Variants in RASGEF1C observed in about 807,000 individuals in gnomAD.
RASGEF1C encodes the protein RasGEF domain family member 1C.
In RASGEF1C, 27 loss-of-function variants were observed where a neutral mutation model predicts 58.1. The ratio of observed to expected loss-of-function variants is 0.46; its 90% confidence interval spans 0.34 to 0.64. The LOEUF (loss-of-function observed/expected upper bound fraction) is 0.64, where lower values mean the gene tolerates loss of function less well. RASGEF1C is among the 30% of genes least tolerant of loss of function. RASGEF1C has a pLI of 0.01. For synonymous variants in RASGEF1C, 243 were observed against 246.3 expected, an observed-to-expected ratio of 0.99 and a Z score of 0.13; for missense variants, 502 against 605.1, an observed-to-expected ratio of 0.83 and a Z score of 1.79.
chr5:180,176,854 T>C (rs1767237835), intron 1 of RASGEF1C, among the ~76,000 whole-genome samples: 1 of 152,132 alleles, frequency 6.6e-6, no homozygotes, highest in South Asian at 2.1e-4. Flanking sequence ...CCGCGCCTGG[T>C]CCCGGGGCTA....
At chr5:180,200,183 C>G (rs183032245) in intron 1 of RASGEF1C, among the ~76,000 whole-genome samples, 1 of 151,792 alleles carries the variant, frequency 6.6e-6, no homozygotes, top group Admixed American at 6.6e-5. Flanking sequence ...TTGCTTGAAC[C>G]GGGACCTGGG....
chr5:180,103,112 C>T lies in RASGEF1C; in HGVS notation c.1304-969G>A, dbSNP rs560814763. On this transcript the variant is annotated intron_variant, in intron 12 of 13. Coordinates refer to ENST00000361132, the MANE Select transcript of RASGEF1C (RefSeq NM_175062.4). Reference sequence around the variant, plus strand: ...TTTTTTTTGAGACAGAAGTCTCGCTCTGTCGCCCAGGCTGGAGTGCAGTGG... The same window carrying T: ...TTTTTTTTGAGACAGAAGTCTCGCTTTGTCGCCCAGGCTGGAGTGCAGTGG... Among the ~76,000 whole-genome samples, 10 of 152,326 alleles carry T rather than the reference C, an allele frequency of 6.6e-5. No individual in the cohort carries two copies. The South Asian group carries it at 1.2e-3, about 19-fold the overall frequency.
chr5:180,117,994 C>CAAAAAAA (rs3078957), intron 10 of RASGEF1C, among the ~76,000 whole-genome samples: 3 of 108,682 alleles, frequency 2.8e-5, no homozygotes, highest in African/African-American at 1.1e-4. Context: ...ACTCCATCTC[C>CAAAAAAA]AAAAAAAAAA....
At chr5:180,128,664 AACACT>A (rs1383076466) in intron 4 of RASGEF1C, 54 bp from the exon 5 acceptor site, 1 of 1,553,152 alleles carries the variant, frequency 6.4e-7, no homozygotes, top group Non-Finnish European at 8.8e-7. Flanking sequence ...CTGCATCTCT[AACACT>A]GGAACCAGGC....
intron 12 of RASGEF1C, among the ~76,000 whole-genome samples, chr5:180,105,062 C>T (rs1765854205): frequency 6.6e-6 from 1 of 152,174 alleles, no homozygotes; most frequent in South Asian, 2.1e-4. Flanking sequence ...ACTAAGCACT[C>T]ATCAGGCACT....
At chr5:180,179,401 C>A (rs759184400) in intron 1 of RASGEF1C, among the ~76,000 whole-genome samples, 1 of 151,960 alleles carries the variant, frequency 6.6e-6, no homozygotes, top group African/African-American at 2.4e-5. Flanking sequence ...AGAGAAGGGC[C>A]GATGGATGGG....
chr5:180,190,724 C>T (rs1485821486), intron 1 of RASGEF1C, among the ~76,000 whole-genome samples: 2 of 151,702 alleles, frequency 1.3e-5, no homozygotes, highest in Non-Finnish European at 2.9e-5. Context: ...GTAAAACCTA[C>T]AACTATAAAG....
chr5:180,101,408 C>G lies in RASGEF1C; in HGVS notation c.*93G>C, dbSNP rs1171734124. 1 of 1,483,766 alleles carries G rather than the reference C, an allele frequency of 6.7e-7. No homozygotes were observed. 91.9% of individuals were successfully genotyped at this position (1,483,766 alleles called of 1,614,324 possible). ...GGTCGGCATTTGCAAAATAGTGAGGCACTCCCTGGCCTCTGCCCACTGGGC... is the reference window on the plus strand; with the variant it reads ...GGTCGGCATTTGCAAAATAGTGAGGGACTCCCTGGCCTCTGCCCACTGGGC... On this transcript the variant is annotated 3_prime_UTR_variant, in exon 14 of 14. Coordinates refer to ENST00000361132, the MANE Select transcript of RASGEF1C (RefSeq NM_175062.4).
chr5:180,124,889 T>A (rs1582268588), intron 6 of RASGEF1C, among the ~76,000 whole-genome samples: 1 of 152,178 alleles, frequency 6.6e-6, no homozygotes, highest in South Asian at 2.1e-4. Flanking sequence ...CCCAGCACTT[T>A]GGGAAGCCAA....
intron 6 of RASGEF1C, among the ~76,000 whole-genome samples, chr5:180,124,235 A>G (rs1766220414): frequency 6.6e-6 from 1 of 151,350 alleles, no homozygotes; most frequent in Non-Finnish European, 1.5e-5. Context: ...CTGTCTCAAA[A>G]AAAAAAAAAA....
chr5:180,102,218 G>C (rs376372697), intron 12 of RASGEF1C, 75 bp from the exon 13 acceptor site: 1 of 867,958 alleles, frequency 1.2e-6, no homozygotes, highest in Non-Finnish European at 1.9e-6. Flanking sequence ...CTATATCTGC[G>C]TGGGTCTCTT....
Position 180,101,541 on chromosome 5 carries a change from T to A in RASGEF1C, c.1377-16A>T, listed in dbSNP as rs766614371. On this transcript the variant is annotated splice_polypyrimidine_tract_variant and intron_variant, in intron 13 of 13. Transcript: ENST00000361132. ...AATAGAAGATCTGCAGATTTAAGCATGTCGGGAGCGGTGAGAGCCTGGAGC... is the reference window on the plus strand; with the variant it reads ...AATAGAAGATCTGCAGATTTAAGCAAGTCGGGAGCGGTGAGAGCCTGGAGC... 32 of 1,611,928 alleles carry A rather than the reference T, an allele frequency of 2.0e-5. No homozygotes were observed. The Admixed American group carries it at 4.3e-4, about 22-fold the overall frequency.
At chr5:180,206,321 T>C (rs953779519) in intron 1 of RASGEF1C, among the ~76,000 whole-genome samples, 14 of 152,246 alleles carry the variant, frequency 9.2e-5, no homozygotes, top group Non-Finnish European at 8.8e-5. Context: ...TGCTTTATAA[T>C]TGGGCTTTTC....
chr5:180,105,710 A>G (rs1234379021), intron 12 of RASGEF1C, among the ~76,000 whole-genome samples: 2 of 151,652 alleles, frequency 1.3e-5, no homozygotes, highest in Admixed American at 6.6e-5. Context: ...TCTACTAAAA[A>G]TACAAAAATT....
At chr5:180,193,749 G>T (rs1756210397) in intron 1 of RASGEF1C, among the ~76,000 whole-genome samples, 1 of 152,186 alleles carries the variant, frequency 6.6e-6, no homozygotes, top group South Asian at 2.1e-4. Context: ...TGAAGTAATG[G>T]GGGCATCAGA....
chr5:180,185,873 A>G (rs4512091), intron 1 of RASGEF1C, among the ~76,000 whole-genome samples: 126,310 of 151,904 alleles, frequency 0.83, 52,673 homozygotes, highest in Admixed American at 0.88. Context: ...TAAGGCAGGC[A>G]CATAACTTGA....
intron 12 of RASGEF1C, among the ~76,000 whole-genome samples, chr5:180,106,281 T>TACGGGTTCATTGATTTCTGCTC: frequency 6.6e-6 from 1 of 152,348 alleles, no homozygotes. Flanking sequence ...TTTTTCTGCT[T>TACGGGTTCATTGATTTCTGCTC]ACGGGTTCAT....
chr5:180,164,401 T>G (rs55773614), intron 1 of RASGEF1C, among the ~76,000 whole-genome samples: 1 of 152,004 alleles, frequency 6.6e-6, no homozygotes, highest in Non-Finnish European at 1.5e-5. Flanking sequence ...CAAGAGATAA[T>G]TGTATCTATT....
At chr5:180,104,169 A>G (rs971711216) in intron 12 of RASGEF1C, among the ~76,000 whole-genome samples, 3 of 152,098 alleles carry the variant, frequency 2.0e-5, no homozygotes, top group African/African-American at 7.2e-5. Context: ...TATCAGGGTA[A>G]TACTGGTGCC....
Sources: gnomAD v4.1 joint callset for allele counts (sites outside exome capture counted in the v4.1 genomes callset) on GRCh38, gnomAD v4.1.1 for gene constraint, MANE v1.5 for transcripts, NCBI Gene and HGNC (gene_info 2026-07-23, HGNC 2026-07-21) for gene names.